The following TMEM192 variants were observed in gnomAD, a reference collection of about 807,000 sequenced individuals.
TMEM192 encodes the protein transmembrane protein 192.
In TMEM192, 20 loss-of-function variants were observed where a neutral mutation model predicts 26.7. The observed-to-expected ratio is 0.75, with a 90% CI of 0.53 to 1.09. TMEM192 has a LOEUF of 1.09. Among genes scored for constraint, TMEM192 ranks in the 50% least tolerant of loss-of-function variants. The pLI is 0.00. For missense variants in TMEM192, 304 were observed against 322.6 expected, an observed-to-expected ratio of 0.94 and a Z score of 0.44; for synonymous variants, 124 against 121.0, an observed-to-expected ratio of 1.02 and a Z score of -0.16.
chr4:165,104,104 CAG>C (rs775287608), intron 1 of TMEM192, among the ~76,000 whole-genome samples: 1 of 152,130 alleles, frequency 6.6e-6, no homozygotes, highest in Admixed American at 6.5e-5. Flanking sequence ...GCCTGGGCGA[CAG>C]AGAGACTTCG....
Position 165,079,332 on chromosome 4 carries a change from C to G in TMEM192, c.*326G>C, listed in dbSNP as rs1450107179. 1.4e-5 allele frequency: 3 copies of G among 220,996 alleles called. No homozygotes were observed. The highest frequency in any genetic ancestry group is 2.6e-5 in the Non-Finnish European group (3 of 113,864). 13.7% of individuals were successfully genotyped at this position (220,996 alleles called of 1,614,324 possible). A position where few individuals can be genotyped will look rare whatever the true frequency, so the allele number is the denominator to read the frequency against. ...TCCCCTATCCATAATGAAATCATTACAGGGTTCTAATGTCAGGTGGAAAAG... is the reference window on the plus strand; with the variant it reads ...TCCCCTATCCATAATGAAATCATTAGAGGGTTCTAATGTCAGGTGGAAAAG... On this transcript the variant is annotated 3_prime_UTR_variant, in exon 6 of 6. Coordinates refer to ENST00000306480, the MANE Select transcript of TMEM192 (RefSeq NM_001100389.2).
intron 4 of TMEM192, among the ~76,000 whole-genome samples, chr4:165,087,046 G>A (rs978882732): frequency 1.8e-4 from 28 of 152,092 alleles, no homozygotes; most frequent in African/African-American, 6.7e-4. Flanking sequence ...CCCAGGAGGC[G>A]GAGGTTGCAG....
At chr4:165,105,865 G>A (rs1170591780) in intron 1 of TMEM192, among the ~76,000 whole-genome samples, 2 of 152,082 alleles carry the variant, frequency 1.3e-5, no homozygotes, top group Non-Finnish European at 2.9e-5. Flanking sequence ...ATAGTTCCCT[G>A]CTTTCCTTTG....
chr4:165,083,386 G>A lies in TMEM192; in HGVS notation c.677+2200C>T, dbSNP rs139106582. 3.2e-4 allele frequency among the ~76,000 whole-genome samples: 13 copies of A among 40,056 alleles called. 4 individuals are homozygous for A. The highest frequency in any genetic ancestry group is 0.028 in the Middle Eastern group (2 of 72). 26.3% of individuals were successfully genotyped at this position (40,056 alleles called of 152,430 possible). On this transcript the variant is annotated intron_variant, in intron 5 of 5. Transcript: ENST00000306480. ...AATCTATTTCACTAAAGACACCTCCGTTTTCATAGTTCTGTACGTATTGAG... is the reference window on the plus strand; with the variant it reads ...AATCTATTTCACTAAAGACACCTCCATTTTCATAGTTCTGTACGTATTGAG...
At chr4:165,085,839 G>A in intron 4 of TMEM192, 151 bp from the exon 5 acceptor site, 1 of 585,772 alleles carries the variant, frequency 1.7e-6, no homozygotes, top group Non-Finnish European at 3.0e-6. Flanking sequence ...TGGGAATATA[G>A]GGATTACATT....
At chr4:165,093,607 C>T (rs1734822591) in intron 3 of TMEM192, among the ~76,000 whole-genome samples, 1 of 152,122 alleles carries the variant, frequency 6.6e-6, no homozygotes, top group Admixed American at 6.6e-5. Context: ...TTGAAGAAGA[C>T]CACCCTGTAC....
At chr4:165,107,958 C>A (rs1241679781) in intron 1 of TMEM192, among the ~76,000 whole-genome samples, 1 of 152,098 alleles carries the variant, frequency 6.6e-6, no homozygotes, top group African/African-American at 2.4e-5. Context: ...TTAATGTTCA[C>A]ATGCTATTTC....
chr4:165,079,924 G>T, intron 5 of TMEM192, 128 bp from the exon 6 acceptor site: 1 of 786,066 alleles, frequency 1.3e-6, no homozygotes, highest in Non-Finnish European at 1.8e-6. Context: ...GATGTCAGAA[G>T]CCAGGGTAAT....
rs1308694175 is a variant in TMEM192 at position 165,070,662 on chromosome 4, G to A, written c.*8996C>T. On this transcript the variant is annotated 3_prime_UTR_variant, in exon 6 of 6. Coordinates refer to ENST00000306480, the MANE Select transcript of TMEM192 (RefSeq NM_001100389.2). ...TGTTGTTATTTTTTAGTGTATCCTAGACATAAACTTTTAAACAAGACCTTA... is the reference window on the plus strand; with the variant it reads ...TGTTGTTATTTTTTAGTGTATCCTAAACATAAACTTTTAAACAAGACCTTA... 6.6e-6 allele frequency: 1 copy of A among 151,952 alleles called. No homozygotes were observed. Among genetic ancestry groups the A allele is most frequent in the Non-Finnish European group, 1.5e-5 (1 of 67,998 alleles). The allele number at this position is 151,952 out of a possible 1,614,324, so 9.4% of individuals were successfully genotyped here. A position where few individuals can be genotyped will look rare whatever the true frequency, so the allele number is the denominator to read the frequency against.
chr4:165,096,663 T>A (rs900264272), intron 3 of TMEM192, among the ~76,000 whole-genome samples: 4 of 152,016 alleles, frequency 2.6e-5, no homozygotes, highest in South Asian at 2.1e-4. Context: ...AAAAATATTT[T>A]AAAAAATAGA....
chr4:165,095,152 C>G (rs1734865855), intron 3 of TMEM192, among the ~76,000 whole-genome samples: 1 of 152,112 alleles, frequency 6.6e-6, no homozygotes, highest in South Asian at 2.1e-4. Context: ...TCACCCAGAC[C>G]TGGACTCCTA....
chr4:165,089,040 C>CAA (rs56000323), intron 3 of TMEM192, among the ~76,000 whole-genome samples: 9 of 47,310 alleles, frequency 1.9e-4, no homozygotes, highest in African/African-American at 8.3e-4. Context: ...GACCCTACTG[C>CAA]AAAAAAAAAA....
intron 4 of TMEM192, among the ~76,000 whole-genome samples, chr4:165,088,224 T>C (rs1734671333): frequency 6.6e-6 from 1 of 152,174 alleles, no homozygotes; most frequent in African/African-American, 2.4e-5. Context: ...AAAGTTTGTG[T>C]CTTGTTTTAA....
Sources: allele counts gnomAD v4.1 joint callset (sites outside exome capture counted in the v4.1 genomes callset), GRCh38; gene constraint gnomAD v4.1.1; transcripts MANE v1.5; gene names NCBI Gene and HGNC (gene_info 2026-07-23, HGNC 2026-07-21).